OPCML: variants seen among roughly 807,000 people sequenced by gnomAD.
The protein encoded by OPCML is opioid-binding protein/cell adhesion molecule.
Under a neutral mutation model 37.8 loss-of-function variants are expected in OPCML, and 13 were observed. That is an observed-to-expected ratio of 0.34 (90% CI 0.22 to 0.55). The LOEUF is 0.55. Ranked by LOEUF, OPCML falls within the 20% of genes least tolerant of loss-of-function variation. The pLI, the probability that OPCML is intolerant of heterozygous loss-of-function variation, is 0.91. For missense variants in OPCML, 341 were observed against 435.6 expected (o/e 0.78, Z 1.93); for synonymous variants, 176 against 168.8 (o/e 1.04, Z -0.33).
At chr11:133,442,319 C>G (rs1298853850) in intron 1 of OPCML, among the ~76,000 whole-genome samples, 1 of 151,910 alleles carries the variant, frequency 6.6e-6, no homozygotes, top group Non-Finnish European at 1.5e-5. Context: ...GTGAGACAAA[C>G]TTTTTATTCT....
chr11:132,853,987 C>T (rs936132938), intron 2 of OPCML, among the ~76,000 whole-genome samples: 1 of 152,056 alleles, frequency 6.6e-6, no homozygotes, highest in Non-Finnish European at 1.5e-5. Context: ...TGAAGCTAGC[C>T]TCAGATCACA....
intron 1 of OPCML, chr11:133,422,486 C>A (rs562841333): frequency 1.0e-6 from 1 of 982,772 alleles, no homozygotes; most frequent in African/African-American, 1.8e-5. Flanking sequence ...GTTAGCTTAG[C>A]GTCTTGCTAG....
chr11:132,417,273 C>T lies in OPCML; in HGVS notation c.*2920G>A, dbSNP rs376075831. On this transcript the variant is annotated 3_prime_UTR_variant, in exon 8 of 8. Transcript: ENST00000524381. ...CAAAATGATGGGTGACAGCCACTCT[C>T]CCATGAAGCCATCCCCACCAAAGAA... 1.5e-4 allele frequency: 23 copies of T among 152,304 alleles called. No homozygotes were observed. The highest frequency in any genetic ancestry group is 4.3e-4 in the African/African-American group (18 of 41,554). The allele number at this position is 152,304 out of a possible 1,614,324, so 9.4% of individuals were successfully genotyped here.
intron 3 of OPCML, among the ~76,000 whole-genome samples, chr11:132,575,917 A>G (rs989277687): frequency 6.6e-6 from 1 of 152,024 alleles, no homozygotes; most frequent in African/African-American, 2.4e-5. Flanking sequence ...AGGCATAGTA[A>G]TCTTGATTGG....
chr11:133,443,666 T>C (rs1946409852), intron 1 of OPCML, among the ~76,000 whole-genome samples: 1 of 152,210 alleles, frequency 6.6e-6, no homozygotes, highest in Admixed American at 6.5e-5. Flanking sequence ...ACGGGATCAT[T>C]TAGCTCTGAA....
chr11:133,113,068 A>G (rs1949281365), intron 1 of OPCML, among the ~76,000 whole-genome samples: 1 of 152,230 alleles, frequency 6.6e-6, no homozygotes, highest in African/African-American at 2.4e-5. Context: ...AAAATATGCC[A>G]AATACATTTA....
intron 4 of OPCML, among the ~76,000 whole-genome samples, chr11:132,455,749 A>C (rs547837680): frequency 6.8e-6 from 1 of 147,850 alleles, no homozygotes; most frequent in South Asian, 2.2e-4. Flanking sequence ...TCTGTCAAAA[A>C]CCTTCTTTGT....
intron 1 of OPCML, among the ~76,000 whole-genome samples, chr11:133,140,922 CGACGACGACGAAGAA>C (rs1407651931): frequency 2.1e-4 from 1 of 4,788 alleles, no homozygotes; most frequent in African/African-American, 3.4e-4. Context: ...AAGAAGAAGA[CGACGACGACGAAGAA>C]GAAGAAGACG....
At chr11:132,700,986 T>C (rs1943790197) in intron 2 of OPCML, among the ~76,000 whole-genome samples, 1 of 152,230 alleles carries the variant, frequency 6.6e-6, no homozygotes, top group Non-Finnish European at 1.5e-5. Context: ...CCTATATATT[T>C]ACAATTGTTG....
intron 4 of OPCML, among the ~76,000 whole-genome samples, chr11:132,488,954 G>A (rs944759854): frequency 3.3e-5 from 5 of 152,150 alleles, no homozygotes; most frequent in Non-Finnish European, 7.3e-5. Context: ...ATTTTCGAGG[G>A]TGGCTCCAGG....
chr11:132,843,753 C>T lies in OPCML; in HGVS notation c.146+99173G>A, dbSNP rs924107333. ...GTGTTAGAAAAATCTATCATCACTG[C>T]GAAGGACAGGCGAATGCTGCCGATT... On this transcript the variant is annotated intron_variant, in intron 2 of 7. Coordinates refer to ENST00000524381, the MANE Select transcript of OPCML (RefSeq NM_001012393.5). Among the ~76,000 whole-genome samples the T allele has an allele frequency of 5.3e-5, 8 of 152,284 alleles. No individual in the cohort carries two copies. The East Asian group carries it at 7.7e-4, about 15-fold the overall frequency.
intron 1 of OPCML, among the ~76,000 whole-genome samples, chr11:133,155,111 T>G (rs778318414): frequency 6.6e-5 from 10 of 152,114 alleles, no homozygotes; most frequent in Non-Finnish European, 1.5e-4. Context: ...AGCAGAGAAC[T>G]GGAGGAGGAG....
At chr11:132,600,276 C>T (rs1168190594) in intron 3 of OPCML, among the ~76,000 whole-genome samples, 3 of 152,216 alleles carry the variant, frequency 2.0e-5, no homozygotes, top group African/African-American at 4.8e-5. Context: ...GCCACTCACT[C>T]GGGTGGATAT....
At chr11:133,241,847 C>A (rs1415868000) in intron 1 of OPCML, among the ~76,000 whole-genome samples, 1 of 152,214 alleles carries the variant, frequency 6.6e-6, no homozygotes, top group South Asian at 2.1e-4. Flanking sequence ...CACGCTTCCA[C>A]GCATGTATTT....
rs746504378 is a variant in OPCML, at chr11:132,722,499, G to A, written c.147-65180C>T. 5.9e-4 allele frequency among the ~76,000 whole-genome samples: 90 copies of A among 152,144 alleles called. 1 individual carries two copies. The highest frequency in any genetic ancestry group is 2.2e-4 in the Non-Finnish European group (15 of 68,040). On this transcript the variant is annotated intron_variant, in intron 2 of 7. Coordinates refer to ENST00000524381, the MANE Select transcript of OPCML (RefSeq NM_001012393.5). The stretch of plus-strand genomic sequence containing the variant: ...CTCCTTTTTCTGCACTCCAGGGAGA[G>A]CCACAGAAATGACAGCTGAGCTGGA...
At chr11:132,546,240 G>A (rs1436683720) in intron 3 of OPCML, among the ~76,000 whole-genome samples, 2 of 152,120 alleles carry the variant, frequency 1.3e-5, no homozygotes, top group African/African-American at 2.4e-5. Context: ...GGGCTTGCCA[G>A]ACTTCCCAAC....
At chr11:132,912,389 C>A (rs1345638497) in intron 2 of OPCML, among the ~76,000 whole-genome samples, 1 of 152,152 alleles carries the variant, frequency 6.6e-6, no homozygotes, top group African/African-American at 2.4e-5. Context: ...CACCAGGATA[C>A]AATAAACCCC....
intron 3 of OPCML, among the ~76,000 whole-genome samples, chr11:132,551,011 A>G (rs1030879374): frequency 6.6e-6 from 1 of 152,202 alleles, no homozygotes; most frequent in African/African-American, 2.4e-5. Context: ...TCAGTAAAGC[A>G]CCACTGAATT....
rs537587094 is a variant in OPCML at position 133,062,574 on chromosome 11, A to T, written c.62-119564T>A. Among the ~76,000 whole-genome samples the T allele has an allele frequency of 2.9e-4, 44 of 152,144 alleles. No homozygotes were observed. In the South Asian group the frequency reaches 8.7e-3, roughly 30 times the overall value. On this transcript the variant is annotated intron_variant, in intron 1 of 7. Transcript: ENST00000524381. ...TAAAGGTCTTGGTTCAGAACGTTGC[A>T]CCCTGCTTAGGTTCCAACCCTTCAT...
Sources: allele counts gnomAD v4.1 joint callset (sites outside exome capture counted in the v4.1 genomes callset), GRCh38; gene constraint gnomAD v4.1.1; transcripts MANE v1.5; gene names NCBI Gene and HGNC (gene_info 2026-07-23, HGNC 2026-07-21).